Variants in TBX6 observed in about 807,000 individuals in gnomAD.
TBX6 encodes T-box transcription factor 6.
In TBX6, 29 loss-of-function variants were observed where a neutral mutation model predicts 42.3. That is an observed-to-expected ratio of 0.69 (90% confidence interval 0.51 to 0.93). The LOEUF is 0.93. Among genes scored for constraint, TBX6 ranks in the 40% least tolerant of loss-of-function variants. TBX6 has a pLI of 0.00. For missense variants in TBX6, 569 were observed against 603.3 expected, an observed-to-expected ratio of 0.94 and a Z score of 0.59; for synonymous variants, 249 against 245.1, an observed-to-expected ratio of 1.02 and a Z score of -0.15.
Position 30,088,594 on chromosome 16 carries a change from C to T in TBX6, c.790G>A (p.Ala264Thr), listed in dbSNP as rs2072674378. 1 of 1,614,098 alleles carries T rather than the reference C, an allele frequency of 6.2e-7. No homozygotes were observed. The highest frequency in any genetic ancestry group is 1.1e-5 in the South Asian group (1 of 91,094). Reference sequence around the variant, plus strand: ...CGGAAGCCTTTGGCAAAGGGATTGGCTGCAATCTTCAGTTGTGTGATCTGG... The same window carrying T: ...CGGAAGCCTTTGGCAAAGGGATTGGTTGCAATCTTCAGTTGTGTGATCTGG... ...NPQITQLKIA[A>T]NPFAKGFREN... is the part of the protein sequence containing the mutation. The change falls in exon 6 of 9, where the codon GCC becomes ACC. Residue 264 changes from alanine (A) to threonine (T), a missense_variant. Coordinates refer to ENST00000395224, the MANE Select transcript of TBX6 (RefSeq NM_004608.4). This position sits in a 1 kb window ranked among gnomAD's most constrained non-coding sequence, Gnocchi z 4.1.
chr16:30,086,037 G>T lies in TBX6; in HGVS notation c.*188C>A. 1.0e-5 allele frequency: 6 copies of T among 589,500 alleles called. No homozygotes were observed. The highest frequency in any genetic ancestry group is 2.3e-5 in the South Asian group (1 of 43,282). The allele number at this position is 589,500 out of a possible 1,614,324, so 36.5% of individuals were successfully genotyped here. A position where few individuals can be genotyped will look rare whatever the true frequency, so the allele number is the denominator to read the frequency against. On this transcript the variant is annotated 3_prime_UTR_variant, in exon 9 of 9. Coordinates refer to ENST00000395224, the MANE Select transcript of TBX6 (RefSeq NM_004608.4). The surrounding 1 kb of genome is among the most constrained non-coding windows in gnomAD (Gnocchi z 4.6). Reference sequence around the variant, plus strand: ...GCCGGCCCCAGCTGGACTCCCAGCAGCCTTGGTTAGGCTTTGAAGCCAGAG... The same window carrying T: ...GCCGGCCCCAGCTGGACTCCCAGCATCCTTGGTTAGGCTTTGAAGCCAGAG...
At chr16:30,089,822 C>A (rs1008720558) in intron 3 of TBX6, among the ~76,000 whole-genome samples, 1 of 149,572 alleles carries the variant, frequency 6.7e-6, no homozygotes, top group Non-Finnish European at 1.5e-5. Flanking sequence ...CCCAGCTACT[C>A]GGGAGGCTGA....
At chr16:30,090,531 G>C (rs568276098) in intron 3 of TBX6, among the ~76,000 whole-genome samples, 1 of 152,178 alleles carries the variant, frequency 6.6e-6, no homozygotes, top group East Asian at 1.9e-4. Context: ...GCCATAGATT[G>C]GTCCCTAAAC....
chr16:30,086,081 A>T lies in TBX6; in HGVS notation c.*144T>A, dbSNP rs2072621553. The stretch of plus-strand genomic sequence containing the variant: ...GCCAGAGGGGGGTGGGAGTGAAATC[A>T]AGGTGTGAAGTTGAGGGGGTGGGTG... On this transcript the variant is annotated 3_prime_UTR_variant, in exon 9 of 9. Coordinates refer to ENST00000395224, the MANE Select transcript of TBX6 (RefSeq NM_004608.4). This position sits in a 1 kb window ranked among gnomAD's most constrained non-coding sequence, Gnocchi z 4.6. The T allele has an allele frequency of 2.8e-6, 2 of 706,974 alleles. No individual in the cohort carries two copies. Among genetic ancestry groups the T allele is most frequent in the Non-Finnish European group, 4.5e-6 (2 of 444,558 alleles). 43.8% of individuals were successfully genotyped at this position (706,974 alleles called of 1,614,324 possible). A position where few individuals can be genotyped will look rare whatever the true frequency, so the allele number is the denominator to read the frequency against.
Position 30,089,186 on chromosome 16 carries a change from C to T in TBX6, c.378G>A (p.Val126=). ...CCTCGGGGTCCAGGCCAGTGACTGACACTCGGCAGGCAGGGAACATGCGCC... is the reference window on the plus strand; with the variant it reads ...CCTCGGGGTCCAGGCCAGTGACTGATACTCGGCAGGCAGGGAACATGCGCC... The part of the protein sequence containing the change: ...AGRRMFPACR[V]SVTGLDPEAR... The change falls in exon 4 of 9, where the codon GTG becomes GTA. Residue 126 remains valine, a synonymous_variant. Transcript: ENST00000395224. 6.2e-7 allele frequency: 1 copy of T among 1,613,886 alleles called. No homozygotes were observed.
intron 3 of TBX6, among the ~76,000 whole-genome samples, chr16:30,090,233 G>T (rs368953765): frequency 6.6e-6 from 1 of 152,092 alleles, no homozygotes; most frequent in African/African-American, 2.4e-5. Flanking sequence ...CCTGCAGTAG[G>T]GCCGAGGACT....
In TBX6 at chr16:30,085,967, C is replaced by T. The variant is rs2151030637; in HGVS notation, c.*258G>A. On this transcript the variant is annotated 3_prime_UTR_variant, in exon 9 of 9. Coordinates refer to ENST00000395224, the MANE Select transcript of TBX6 (RefSeq NM_004608.4). Reference sequence around the variant, plus strand: ...TGGTCTGTGGCCCCATTTGGCCAGGCAGAGCCCCTTCCATTCACACGGAGG... The same window carrying T: ...TGGTCTGTGGCCCCATTTGGCCAGGTAGAGCCCCTTCCATTCACACGGAGG... 2.0e-6 allele frequency: 1 copy of T among 493,948 alleles called. No homozygotes were observed. Among genetic ancestry groups the T allele is most frequent in the East Asian group, 3.9e-5 (1 of 25,338 alleles). 30.6% of individuals were successfully genotyped at this position (493,948 alleles called of 1,614,324 possible).
rs1465012982 is a variant in TBX6 at position 30,086,170 on chromosome 16, G to C, written c.*55C>G. 6 of 1,585,816 alleles carry C rather than the reference G, an allele frequency of 3.8e-6. No individual in the cohort carries two copies. In the African/African-American group the frequency reaches 6.8e-5, roughly 18 times the overall value. ...CCGGTGGAGGTGAGGGGGCTCCAGGGCTGGGGGAAGGGAGCGGGAGGTTTG... is the reference window on the plus strand; with the variant it reads ...CCGGTGGAGGTGAGGGGGCTCCAGGCCTGGGGGAAGGGAGCGGGAGGTTTG... On this transcript the variant is annotated 3_prime_UTR_variant, in exon 9 of 9. Coordinates refer to ENST00000395224, the MANE Select transcript of TBX6 (RefSeq NM_004608.4). This position sits in a 1 kb window ranked among gnomAD's most constrained non-coding sequence, Gnocchi z 4.6.
rs769623328 is a variant in TBX6, at chr16:30,089,062, G to A, written c.502C>T (p.Leu168=). Residue 168 remains leucine (L), a synonymous_variant, in exon 4 of 9, where the codon CTG becomes TTG. Coordinates refer to ENST00000395224, the MANE Select transcript of TBX6 (RefSeq NM_004608.4). The part of the protein sequence containing the change: ...WEPSGKAEPR[L]PDRVYIHPDS... ...GGGTGAATGTAGACACGGTCAGGCA[G>A]GCGGGGCTCTGCCTTGCCGCTGGGC... 2 of 1,613,902 alleles carry A rather than the reference G, an allele frequency of 1.2e-6. No homozygotes were observed. The highest frequency in any genetic ancestry group is 1.1e-5 in the South Asian group (1 of 91,074).
At position 30,090,788 on chromosome 16, in the gene TBX6, C is replaced by A; in HGVS notation, c.323G>T (p.Gly108Val). The change falls in exon 3 of 9, where the codon GGA becomes GTA. Residue 108 changes from glycine to valine, a missense_variant. Around this residue, in one of 3 missense-constraint regions of TBX6, gnomAD observed 190 missense variants for 250.6 expected, o/e 0.76. Coordinates refer to ENST00000395224, the MANE Select transcript of TBX6 (RefSeq NM_004608.4). ...RELWKEFSSVGTEMIITKAGR... is the reference protein window; with the variant it reads ...RELWKEFSSVVTEMIITKAGR... ...AGCTTTGGTGATGATCATTTCTGTT[C>A]CCACAGAGCTGAACTCCTTCCATAG... 6.2e-7 allele frequency: 1 copy of A among 1,606,540 alleles called. No individual in the cohort carries two copies. Among genetic ancestry groups the A allele is most frequent in the Admixed American group, 1.7e-5 (1 of 58,526 alleles).
rs977123100 is a variant in TBX6 at position 30,086,001 on chromosome 16, G to A, written c.*224C>T. 3.7e-6 allele frequency: 2 copies of A among 539,370 alleles called. No homozygotes were observed. The highest frequency in any genetic ancestry group is 2.0e-5 in the African/African-American group (1 of 50,724). 33.4% of individuals were successfully genotyped at this position (539,370 alleles called of 1,614,324 possible). A position where few individuals can be genotyped will look rare whatever the true frequency, so the allele number is the denominator to read the frequency against. On this transcript the variant is annotated 3_prime_UTR_variant, in exon 9 of 9. Transcript: ENST00000395224. This position sits in a 1 kb window ranked among gnomAD's most constrained non-coding sequence, Gnocchi z 4.6. ...TTCCATTCACACGGAGGTGAGAGCC[G>A]GGAAGGGGAAGCCGGCCCCAGCTGG...
Position 30,086,729 on chromosome 16 carries a change from A to G in TBX6, c.914-34T>C, listed in dbSNP as rs1413050907. 1.9e-6 allele frequency: 3 copies of G among 1,613,090 alleles called. No homozygotes were observed. Among genetic ancestry groups the G allele is most frequent in the Non-Finnish European group, 2.5e-6 (3 of 1,179,506 alleles). ...AGGGAAGGGAGAGGTTGGGCTAGGG[A>G]GGATCCCTGTCTCAGGCCTGGCCCC... On this transcript the variant is annotated intron_variant, in intron 7 of 8. Coordinates refer to ENST00000395224, the MANE Select transcript of TBX6 (RefSeq NM_004608.4). The surrounding 1 kb of genome is among the most constrained non-coding windows in gnomAD (Gnocchi z 4.6).
At position 30,086,512 on chromosome 16, in the gene TBX6, C is replaced by G; in HGVS notation, c.1097G>C (p.Arg366Thr). The G allele has an allele frequency of 1.3e-6, 2 of 1,502,868 alleles. No individual in the cohort carries two copies. The highest frequency in any genetic ancestry group is 1.8e-6 in the Non-Finnish European group (2 of 1,129,152). The allele number at this position is 1,502,868 out of a possible 1,614,324, so 93.1% of individuals were successfully genotyped here. The change falls in exon 8 of 9, where the codon AGG (arginine) becomes ACG (threonine). Residue 366 changes from arginine to threonine, a missense_variant and splice_region_variant. Physicochemically the swap from Arg to Thr is moderately conservative, Grantham distance 71. Coordinates refer to ENST00000395224, the MANE Select transcript of TBX6 (RefSeq NM_004608.4). This position sits in a 1 kb window ranked among gnomAD's most constrained non-coding sequence, Gnocchi z 4.6. The stretch of plus-strand genomic sequence containing the variant: ...CCGCCTGGTCCCCTGTCCCACTCAC[C>G]TGGTGGGAAGGTGACTGGGGGCCCC... ...FHGAPSHLPT[R>T]SPSFPEAPDS... is the part of the protein sequence containing the mutation.
In TBX6 at chr16:30,086,606, C is replaced by T. The variant is rs766116040; in HGVS notation, c.1003G>A (p.Ala335Thr). The change falls in exon 8 of 9, where the codon GCT becomes ACT. Residue 335 changes from alanine (A) to threonine (T), a missense_variant. Ala to Thr is a moderately conservative substitution (Grantham distance 58). Transcript: ENST00000395224. The surrounding 1 kb of genome is among the most constrained non-coding windows in gnomAD (Gnocchi z 4.6). ...EQAPAPGEAT[A>T]APAPLCGGPS... ...CCACCACACAGAGGTGCCGGGGCAG[C>T]GGTGGCTTCCCCGGGGGCTGGGGCC... The T allele has an allele frequency of 9.5e-6, 15 of 1,586,298 alleles. No homozygotes were observed. The highest frequency in any genetic ancestry group is 1.4e-5 in the African/African-American group (1 of 73,384).
In TBX6 at chr16:30,090,939, G is replaced by A. The variant is rs371398869; in HGVS notation, c.172C>T (p.Arg58Cys). The A allele has an allele frequency of 8.7e-6, 14 of 1,613,094 alleles. No homozygotes were observed. Among genetic ancestry groups the A allele is most frequent in the African/African-American group, 5.3e-5 (4 of 74,920 alleles). ...AGAGGTGGGTGCGCGGCCAGGGTGC[G>A]GGGAGCAGCCTCCATCCCGGAGAGG... is the stretch of plus-strand genomic sequence containing the variant. Reference protein sequence around the residue: ...CFLSGMEAAPRTLAAHPPLPL... With the variant: ...CFLSGMEAAPCTLAAHPPLPL... The change falls in exon 3 of 9, where the codon CGC (arginine) becomes TGC (cysteine). Residue 58 changes from arginine (R) to cysteine (C), a missense_variant. Transcript: ENST00000395224.
At chr16:30,090,346 A>G (rs1222125489) in intron 3 of TBX6, among the ~76,000 whole-genome samples, 1 of 152,092 alleles carries the variant, frequency 6.6e-6, no homozygotes, top group Admixed American at 6.5e-5. Flanking sequence ...CTAGTCATAT[A>G]CTGACTCCTA....
chr16:30,091,419 C>G (rs1399701711), intron 1 of TBX6, 178 bp from the exon 2 acceptor site: 2 of 493,266 alleles, frequency 4.1e-6, no homozygotes, highest in East Asian at 3.5e-5. Context: ...CTCCCCACCC[C>G]GGGAGGCTTC....
Position 30,086,271 on chromosome 16 carries a change from G to T in TBX6, c.1265C>A (p.Thr422Asn). The T allele has an allele frequency of 6.2e-7, 1 of 1,612,284 alleles. No individual in the cohort carries two copies. The change falls in exon 9 of 9, where the codon ACC becomes AAC. Residue 422 changes from threonine (T) to asparagine (N), a missense_variant. Thr to Asn is a moderately conservative substitution (Grantham distance 65). This residue lies in a region of TBX6 where 245 missense variants were observed against 227.4 expected (regional missense o/e 1.08). Coordinates refer to ENST00000395224, the MANE Select transcript of TBX6 (RefSeq NM_004608.4). This position sits in a 1 kb window ranked among gnomAD's most constrained non-coding sequence, Gnocchi z 4.6. ...LQGGPFPLPY[T>N]APGGYLDVGS... ...CACATCCAGATAGCCCCCAGGCGCG[G>T]TGTATGGTAGAGGGAAGGGGCCCCC...
chr16:30,089,416 C>CAGGAA (rs2072690248), intron 3 of TBX6, among the ~76,000 whole-genome samples: 1 of 152,158 alleles, frequency 6.6e-6, no homozygotes, highest in Admixed American at 6.5e-5. Flanking sequence ...GGGAGGATCT[C>CAGGAA]TTGAGTCAGG....
Sources: allele counts gnomAD v4.1 joint callset (sites outside exome capture counted in the v4.1 genomes callset), GRCh38; gene constraint gnomAD v4.1.1; regional missense constraint gnomAD v4.1.1; non-coding constraint Gnocchi (gnomAD v3.1); transcripts MANE v1.5; gene names NCBI Gene and HGNC (gene_info 2026-07-23, HGNC 2026-07-21).